Variants in NEBL observed in about 807,000 individuals in gnomAD.
NEBL encodes LIM and SH3 protein 2.
NEBL carries 122 observed loss-of-function variants against 140.2 expected under a neutral mutation model. That is an observed-to-expected ratio of 0.87 (90% CI 0.75 to 1.01). The LOEUF is 1.01. NEBL is among the 50% of genes least tolerant of loss of function. NEBL has a pLI of 0.00. For missense variants in NEBL, 1,365 were observed against 1,231.3 expected (o/e 1.11, Z -1.62); for synonymous variants, 436 against 398.9 (o/e 1.09, Z -1.11).
At chr10:21,232,789 C>A (rs1285234594) in intron 3 of NEBL, among the ~76,000 whole-genome samples, 1 of 152,192 alleles carries the variant, frequency 6.6e-6, no homozygotes, top group Non-Finnish European at 1.5e-5. Context: ...GTGACATGGT[C>A]TGACTTACAT....
At chr10:20,920,327 T>C (rs887872606) in intron 4 of NEBL, among the ~76,000 whole-genome samples, 1 of 152,152 alleles carries the variant, frequency 6.6e-6, no homozygotes, top group Non-Finnish European at 1.5e-5. Flanking sequence ...GTAAAAAATA[T>C]GAGATGATAA....
At chr10:20,821,437 TCCAAATTTC>T (rs1839304588) in intron 19 of NEBL, among the ~76,000 whole-genome samples, 1 of 152,192 alleles carries the variant, frequency 6.6e-6, no homozygotes, top group South Asian at 2.1e-4. Context: ...TTGAGTGTTA[TCCAAATTTC>T]CCAAATTTCT....
At chr10:21,130,123 A>G (rs1207534261) in intron 2 of NEBL, among the ~76,000 whole-genome samples, 1 of 47,838 alleles carries the variant, frequency 2.1e-5, no homozygotes, top group East Asian at 2.3e-3. Context: ...ACAGGGTAGA[A>G]CTTCAAAACA....
At chr10:21,274,481 A>G (rs1842895369) in intron 1 of NEBL, among the ~76,000 whole-genome samples, 1 of 152,170 alleles carries the variant, frequency 6.6e-6, no homozygotes, top group Admixed American at 6.6e-5. Context: ...GCTGGAGTGC[A>G]ATGGCATGAT....
intron 26 of NEBL, among the ~76,000 whole-genome samples, chr10:20,807,598 G>A (rs888187968): frequency 5.9e-5 from 9 of 152,042 alleles, no homozygotes; most frequent in South Asian, 2.1e-4. Flanking sequence ...ACAATCTTTC[G>A]CAGCTTGGTC....
chr10:21,183,358 G>A (rs1359888999), intron 3 of NEBL, among the ~76,000 whole-genome samples: 1 of 152,122 alleles, frequency 6.6e-6, no homozygotes, highest in Non-Finnish European at 1.5e-5. Flanking sequence ...TGGAAGAGGG[G>A]AGAGCCGCAA....
At chr10:20,937,159 T>C (rs1028189237) in intron 4 of NEBL, among the ~76,000 whole-genome samples, 2 of 152,160 alleles carry the variant, frequency 1.3e-5, no homozygotes, top group Non-Finnish European at 2.9e-5. Context: ...GCTAAACTGG[T>C]TTTCCCATGT....
At chr10:21,079,930 C>A (rs768048507) in intron 2 of NEBL, among the ~76,000 whole-genome samples, 2 of 152,156 alleles carry the variant, frequency 1.3e-5, no homozygotes, top group Non-Finnish European at 2.9e-5. Flanking sequence ...TGAACAATGA[C>A]CAATATAGAA....
rs57289458 is a variant in NEBL, at chr10:20,896,483, CATATATATATATATATATATATAT to C, written c.153+451_153+474del. Among the ~76,000 whole-genome samples the C allele has an allele frequency of 1.3e-3, 112 of 88,090 alleles. 2 individuals are homozygous for C. The highest frequency in any genetic ancestry group is 4.3e-3 in the African/African-American group (101 of 23,258). The allele number at this position is 88,090 out of a possible 152,430, so 57.8% of individuals were successfully genotyped here. A position where few individuals can be genotyped will look rare whatever the true frequency, so the allele number is the denominator to read the frequency against. ...CTGAATTGTAAATAAATATTATATGCATATATATATATATATATATATATATATATATATGCATTTTCCTGTTCT... is the reference window on the plus strand; with the variant it reads ...CTGAATTGTAAATAAATATTATATGCATATATATATGCATTTTCCTGTTCT... On this transcript the variant is annotated intron_variant, in intron 2 of 27. Coordinates refer to ENST00000377122, the MANE Select transcript of NEBL (RefSeq NM_006393.3).
At chr10:21,241,001 C>T (rs1020889653) in intron 3 of NEBL, among the ~76,000 whole-genome samples, 39 of 151,762 alleles carry the variant, frequency 2.6e-4, no homozygotes, top group East Asian at 3.9e-4. Flanking sequence ...TTCTACTGAG[C>T]CCCATTTTTG....
chr10:21,041,818 A>G (rs1246855645), intron 2 of NEBL, among the ~76,000 whole-genome samples: 2 of 152,218 alleles, frequency 1.3e-5, no homozygotes, highest in Non-Finnish European at 2.9e-5. Flanking sequence ...GGCGTGGGCA[A>G]TTTCCAGAAC....
chr10:20,816,989 G>A (rs1838783056), intron 21 of NEBL, among the ~76,000 whole-genome samples: 1 of 152,140 alleles, frequency 6.6e-6, no homozygotes, highest in Non-Finnish European at 1.5e-5. Flanking sequence ...ATGTTTGTTT[G>A]TAGGGCCAGG....
chr10:21,227,696 TTC>T (rs1491227172), intron 3 of NEBL, among the ~76,000 whole-genome samples: 391 of 88,192 alleles, frequency 4.4e-3, no homozygotes, highest in South Asian at 0.016. Context: ...CTTCTTCTTC[TTC>T]TTCTTCTTCT....
chr10:21,240,005 G>T (rs1447786519), intron 3 of NEBL, among the ~76,000 whole-genome samples: 1 of 149,810 alleles, frequency 6.7e-6, no homozygotes, highest in Non-Finnish European at 1.5e-5. Context: ...GACAGAGCGA[G>T]ACTCTGCCTC....
intron 2 of NEBL, among the ~76,000 whole-genome samples, chr10:21,036,675 C>A (rs1005619857): frequency 7.2e-5 from 11 of 152,112 alleles, no homozygotes; most frequent in African/African-American, 2.6e-4. Context: ...GTCCTTTGCA[C>A]CCTCCTTTTA....
intron 2 of NEBL, among the ~76,000 whole-genome samples, chr10:21,096,327 C>A (rs557044629): frequency 6.6e-6 from 1 of 152,236 alleles, no homozygotes; most frequent in Admixed American, 6.5e-5. Context: ...GGAATATAAA[C>A]CATAATACAA....
chr10:21,159,520 C>T (rs748808539), intron 2 of NEBL, among the ~76,000 whole-genome samples: 3 of 152,172 alleles, frequency 2.0e-5, no homozygotes, highest in South Asian at 2.1e-4. Flanking sequence ...CCAAATTAAG[C>T]GCAAAGCAGC....
chr10:20,948,766 C>G (rs896482911), intron 4 of NEBL, among the ~76,000 whole-genome samples: 11 of 152,176 alleles, frequency 7.2e-5, no homozygotes, highest in Non-Finnish European at 1.2e-4. Flanking sequence ...GATCAAGATT[C>G]GGGCCACACT....
chr10:20,824,905 T>A lies in NEBL; in HGVS notation c.1869+1542A>T, dbSNP rs529575351. ...ATCGATGGGTGCATTTTAAATATTA[T>A]CATTGGAAAGAGAAGCAATGAATAT... is the stretch of plus-strand genomic sequence containing the variant. On this transcript the variant is annotated intron_variant, in intron 18 of 27. Coordinates refer to ENST00000377122, the MANE Select transcript of NEBL (RefSeq NM_006393.3). Among the ~76,000 whole-genome samples the A allele has an allele frequency of 7.9e-5, 12 of 152,290 alleles. No homozygotes were observed. The East Asian group carries it at 1.9e-3, about 24-fold the overall frequency.
Sources: gnomAD v4.1 joint callset for allele counts (sites outside exome capture counted in the v4.1 genomes callset) on GRCh38, gnomAD v4.1.1 for gene constraint, MANE v1.5 for transcripts, NCBI Gene and HGNC (gene_info 2026-07-23, HGNC 2026-07-21) for gene names.